The following ST6GALNAC3 variants were observed in gnomAD, a reference collection of about 807,000 sequenced individuals.
ST6GALNAC3 encodes alpha-N-acetylgalactosaminide alpha-2,6-sialyltransferase 3.
ST6GALNAC3 carries 25 observed loss-of-function variants against 32.7 expected under a neutral mutation model. The ratio of observed to expected loss-of-function variants is 0.76; its 90% CI spans 0.56 to 1.07. ST6GALNAC3 has a LOEUF of 1.07. ST6GALNAC3 is among the 50% of genes least tolerant of loss of function. The probability of loss-of-function intolerance (pLI) is 0.00; values close to 1 mark genes in which losing one functional copy is unlikely to be tolerated. For synonymous variants in ST6GALNAC3, 129 were observed against 133.1 expected (o/e 0.97, Z 0.21); for missense variants, 355 against 382.4 (o/e 0.93, Z 0.60).
intron 3 of ST6GALNAC3, among the ~76,000 whole-genome samples, chr1:76,585,070 AC>A (rs1157655275): frequency 1.3e-5 from 2 of 152,114 alleles, no homozygotes; most frequent in Non-Finnish European, 2.9e-5. Context: ...AGCATGTGTA[AC>A]CTAAGCTGAC....
rs917615046 is a variant in ST6GALNAC3 at position 76,228,883 on chromosome 1, G to T, written c.19-84922G>T. Among the ~76,000 whole-genome samples, 14 of 152,262 alleles carry T rather than the reference G, an allele frequency of 9.2e-5. 1 individual carries two copies. Among genetic ancestry groups the T allele is most frequent in the Admixed American group, 7.9e-4 (12 of 15,284 alleles). ...GCCCGGAGAAGGTCATGCCAGTCAGGACCCTGCGCATTGATGGTCATCTTC... is the reference window on the plus strand; with the variant it reads ...GCCCGGAGAAGGTCATGCCAGTCAGTACCCTGCGCATTGATGGTCATCTTC... On this transcript the variant is annotated intron_variant, in intron 1 of 4. Transcript: ENST00000328299.
chr1:76,170,388 G>A (rs1333683920), intron 1 of ST6GALNAC3, among the ~76,000 whole-genome samples: 1 of 152,176 alleles, frequency 6.6e-6, no homozygotes, highest in Non-Finnish European at 1.5e-5. Flanking sequence ...TGGGGTGCTG[G>A]CAGATGCAGG....
chr1:76,615,048 A>T (rs920525081), intron 3 of ST6GALNAC3, among the ~76,000 whole-genome samples: 2 of 152,082 alleles, frequency 1.3e-5, no homozygotes, highest in East Asian at 1.9e-4. Flanking sequence ...TTGACAGTAA[A>T]TCATTTTTCA....
intron 3 of ST6GALNAC3, among the ~76,000 whole-genome samples, chr1:76,496,298 T>A (rs898695385): frequency 2.0e-5 from 3 of 152,198 alleles, no homozygotes; most frequent in Admixed American, 6.6e-5. Context: ...CGCCAGTGAT[T>A]CAGCTGGAGA....
chr1:76,208,646 C>A (rs1357525678), intron 1 of ST6GALNAC3, among the ~76,000 whole-genome samples: 1 of 152,022 alleles, frequency 6.6e-6, no homozygotes, highest in Non-Finnish European at 1.5e-5. Flanking sequence ...CATATGAGTC[C>A]ATATAGGTGG....
At chr1:76,165,835 C>T (rs578214159) in intron 1 of ST6GALNAC3, among the ~76,000 whole-genome samples, 15 of 152,170 alleles carry the variant, frequency 9.9e-5, no homozygotes, top group Non-Finnish European at 1.8e-4. Flanking sequence ...AGTGTCTGTT[C>T]ATGTCCTTTG....
At chr1:76,564,188 C>T (rs1467328706) in intron 3 of ST6GALNAC3, among the ~76,000 whole-genome samples, 1 of 152,176 alleles carries the variant, frequency 6.6e-6, no homozygotes, top group Non-Finnish European at 1.5e-5. Context: ...CAACACAAAG[C>T]AGGTGAAGCT....
At chr1:76,636,640 C>T (rs879140359), downstream of ST6GALNAC3, among the ~76,000 whole-genome samples, 16 of 152,054 alleles carry the variant, frequency 1.1e-4, no homozygotes, top group African/African-American at 3.1e-4. Context: ...CTTTACTTCC[C>T]GAGACTTTCT....
At chr1:76,314,094 C>A in intron 2 of ST6GALNAC3, 95 bp downstream of exon 2, 1 of 1,226,410 alleles carries the variant, frequency 8.2e-7, no homozygotes, top group African/African-American at 1.5e-5. Flanking sequence ...TGAACTTACT[C>A]TGTCTGCCCC....
At chr1:76,361,695 A>T (rs1362807540) in intron 2 of ST6GALNAC3, among the ~76,000 whole-genome samples, 4 of 152,108 alleles carry the variant, frequency 2.6e-5, no homozygotes, top group South Asian at 2.1e-4. Flanking sequence ...GAAATACCTG[A>T]GGCCCAGGCA....
At chr1:76,301,649 T>A (rs1239360354) in intron 1 of ST6GALNAC3, among the ~76,000 whole-genome samples, 1 of 151,952 alleles carries the variant, frequency 6.6e-6, no homozygotes, top group Non-Finnish European at 1.5e-5. Flanking sequence ...AAACTCTGCT[T>A]GTGTTTCGGT....
chr1:76,262,957 G>A (rs1456951967), intron 1 of ST6GALNAC3, among the ~76,000 whole-genome samples: 1 of 152,104 alleles, frequency 6.6e-6, no homozygotes, highest in Non-Finnish European at 1.5e-5. Context: ...GGGTTGTGTG[G>A]TGACCTAAAG....
chr1:76,596,408 A>G (rs1025456354), intron 3 of ST6GALNAC3, among the ~76,000 whole-genome samples: 33 of 152,322 alleles, frequency 2.2e-4, no homozygotes, highest in East Asian at 1.5e-3. Context: ...TAGTTGCTCA[A>G]TAGGTATCCT....
chr1:76,310,552 C>T (rs1386310133), intron 1 of ST6GALNAC3, among the ~76,000 whole-genome samples: 1 of 152,068 alleles, frequency 6.6e-6, no homozygotes, highest in African/African-American at 2.4e-5. Context: ...ATCGCTGACT[C>T]CTGGGGGCTG....
chr1:76,296,372 T>C (rs1206709489), intron 1 of ST6GALNAC3, among the ~76,000 whole-genome samples: 1 of 152,172 alleles, frequency 6.6e-6, no homozygotes, highest in Non-Finnish European at 1.5e-5. Flanking sequence ...CACTAAATGG[T>C]AGAAATTCAG....
chr1:76,200,409 C>T (rs1654450071), intron 1 of ST6GALNAC3, among the ~76,000 whole-genome samples: 1 of 152,174 alleles, frequency 6.6e-6, no homozygotes. Flanking sequence ...CAAGACCCAG[C>T]TCATCCATGC....
chr1:76,552,130 G>A (rs1335044995), intron 3 of ST6GALNAC3, among the ~76,000 whole-genome samples: 2 of 152,150 alleles, frequency 1.3e-5, no homozygotes, highest in East Asian at 3.9e-4. Context: ...TTAGGACTTG[G>A]GGTATGTGTG....
At chr1:76,622,310 G>T (rs1200140678) in intron 3 of ST6GALNAC3, among the ~76,000 whole-genome samples, 3 of 151,964 alleles carry the variant, frequency 2.0e-5, no homozygotes, top group Non-Finnish European at 4.4e-5. Flanking sequence ...TGCCCTTTGG[G>T]TCTAGGCCTA....
chr1:76,144,885 A>T (rs1332454310), intron 1 of ST6GALNAC3, among the ~76,000 whole-genome samples: 1 of 152,208 alleles, frequency 6.6e-6, no homozygotes, highest in African/African-American at 2.4e-5. Context: ...TGGAGTCAGG[A>T]GACCTCTTGG....
Sources: gnomAD v4.1 joint callset for allele counts (sites outside exome capture counted in the v4.1 genomes callset) on GRCh38, gnomAD v4.1.1 for gene constraint, MANE v1.5 for transcripts, NCBI Gene and HGNC (gene_info 2026-07-23, HGNC 2026-07-21) for gene names.